The following ARMH3 variants were observed in gnomAD, a reference collection of about 807,000 sequenced individuals.
ARMH3 encodes armadillo like helical domain containing 3, also known as armadillo-like helical domain-containing protein 3.
ARMH3 carries 60 observed loss-of-function variants against 99.1 expected under a neutral mutation model. That is an observed-to-expected ratio of 0.61 (90% confidence interval 0.49 to 0.75). The LOEUF (loss-of-function observed/expected upper bound fraction) is 0.75. Ranked by LOEUF, ARMH3 falls within the 30% of genes least tolerant of loss-of-function variation. ARMH3 has a pLI of 0.00. For synonymous variants in ARMH3, 285 were observed against 292.8 expected, an observed-to-expected ratio of 0.97 and a Z score of 0.27; for missense variants, 679 against 843.1, an observed-to-expected ratio of 0.81 and a Z score of 2.41.
At chr10:101,941,849 T>C (rs774096175) in intron 22 of ARMH3, among the ~76,000 whole-genome samples, 1 of 152,218 alleles carries the variant, frequency 6.6e-6, no homozygotes, top group African/African-American at 2.4e-5. Flanking sequence ...AATTTTATTA[T>C]TATTATACCT....
At chr10:101,955,168 T>A (rs1216457442) in intron 22 of ARMH3, among the ~76,000 whole-genome samples, 1 of 152,180 alleles carries the variant, frequency 6.6e-6, no homozygotes, top group South Asian at 2.1e-4. Flanking sequence ...AGAGTTCTTA[T>A]GTAAGGCTGC....
At chr10:101,869,780 C>A (rs538619648) in intron 24 of ARMH3, among the ~76,000 whole-genome samples, 39 of 152,168 alleles carry the variant, frequency 2.6e-4, no homozygotes, top group Non-Finnish European at 5.6e-4. Flanking sequence ...CACCTGTAAT[C>A]CCAGCACCTT....
At chr10:101,885,825 G>A (rs998960211) in intron 24 of ARMH3, among the ~76,000 whole-genome samples, 5 of 151,536 alleles carry the variant, frequency 3.3e-5, no homozygotes, top group African/African-American at 1.2e-4. Flanking sequence ...AGCCCGAGGC[G>A]GGTGGATCAC....
intron 8 of ARMH3, 26 bp from the exon 9 acceptor site, chr10:102,014,050 G>C: frequency 6.3e-7 from 1 of 1,582,310 alleles, no homozygotes. Flanking sequence ...AGAGACTCCA[G>C]GTAAGTCTGA....
At chr10:101,963,900 G>A (rs1393935581) in intron 20 of ARMH3, among the ~76,000 whole-genome samples, 49 of 145,052 alleles carry the variant, frequency 3.4e-4, no homozygotes, top group African/African-American at 1.2e-3. Context: ...TTTTTGAGAC[G>A]GAGTCTTGCT....
intron 19 of ARMH3, among the ~76,000 whole-genome samples, chr10:101,978,426 A>G (rs1422515220): frequency 6.6e-6 from 1 of 152,230 alleles, no homozygotes; most frequent in Non-Finnish European, 1.5e-5. Flanking sequence ...ACTTTGGAAA[A>G]GTCTGGAGTT....
chr10:102,005,192 G>A (rs747612806), intron 14 of ARMH3, among the ~76,000 whole-genome samples: 2 of 151,850 alleles, frequency 1.3e-5, no homozygotes, highest in African/African-American at 2.4e-5. Context: ...GCGAGACTCC[G>A]TCTCAAAAAC....
chr10:101,898,685 C>A (rs751621180), intron 23 of ARMH3, among the ~76,000 whole-genome samples: 1 of 152,196 alleles, frequency 6.6e-6, no homozygotes, highest in Non-Finnish European at 1.5e-5. Context: ...TACGCGCACA[C>A]GCGCACACAC....
At chr10:102,025,863 G>T (rs978358397) in intron 5 of ARMH3, among the ~76,000 whole-genome samples, 5 of 151,942 alleles carry the variant, frequency 3.3e-5, no homozygotes, top group African/African-American at 9.7e-5. Context: ...TGTTGCCCAG[G>T]GTGGTCTCGA....
chr10:102,037,026 T>G (rs1309827104), intron 2 of ARMH3, among the ~76,000 whole-genome samples: 2 of 151,738 alleles, frequency 1.3e-5, no homozygotes, highest in Non-Finnish European at 1.5e-5. Context: ...CACTCCAGCT[T>G]GGGCGACAGA....
At chr10:102,023,976 T>C (rs553281154) in intron 6 of ARMH3, among the ~76,000 whole-genome samples, 1 of 152,334 alleles carries the variant, frequency 6.6e-6, no homozygotes, top group East Asian at 1.9e-4. Flanking sequence ...CCTCATTGTT[T>C]CTCTCATATC....
At chr10:101,932,659 C>T (rs186064715) in intron 23 of ARMH3, among the ~76,000 whole-genome samples, 22 of 152,218 alleles carry the variant, frequency 1.4e-4, no homozygotes, top group Non-Finnish European at 2.9e-4. Flanking sequence ...AATCCAGTCA[C>T]GAAGGACAAA....
chr10:102,049,117 C>T (rs1490013275), intron 1 of ARMH3, among the ~76,000 whole-genome samples: 1 of 152,114 alleles, frequency 6.6e-6, no homozygotes, highest in Non-Finnish European at 1.5e-5. Flanking sequence ...TTCCTTAGCA[C>T]AGCTTCTTTC....
At chr10:101,953,670 G>A (rs1020853117) in intron 22 of ARMH3, among the ~76,000 whole-genome samples, 4 of 151,628 alleles carry the variant, frequency 2.6e-5, no homozygotes, top group Admixed American at 2.6e-4. Flanking sequence ...TAAAAACAGT[G>A]AGGTAGCACT....
intron 24 of ARMH3, among the ~76,000 whole-genome samples, chr10:101,854,966 A>G: frequency 1.2e-5 from 1 of 86,678 alleles, no homozygotes; most frequent in Non-Finnish European, 2.4e-5. Flanking sequence ...TGGCTATCTC[A>G]AGATAGTTCT....
chr10:102,016,994 T>G (rs1008526102), intron 8 of ARMH3, among the ~76,000 whole-genome samples: 3 of 152,254 alleles, frequency 2.0e-5, no homozygotes, highest in African/African-American at 4.8e-5. Context: ...CTTTTATTGC[T>G]TAAGTCCAAC....
intron 5 of ARMH3, among the ~76,000 whole-genome samples, chr10:102,027,931 AAC>A (rs1365472505): frequency 6.6e-6 from 1 of 151,870 alleles, no homozygotes; most frequent in Non-Finnish European, 1.5e-5. Context: ...TATGGTGTCC[AAC>A]ACTGCAAATC....
intron 23 of ARMH3, among the ~76,000 whole-genome samples, chr10:101,918,462 A>G (rs1224546777): frequency 2.6e-5 from 4 of 152,242 alleles, no homozygotes; most frequent in Non-Finnish European, 4.4e-5. Flanking sequence ...GTGGCCACTT[A>G]GAAAACTGGA....
intron 13 of ARMH3, among the ~76,000 whole-genome samples, chr10:102,007,418 G>C (rs1301024255): frequency 6.6e-6 from 1 of 150,830 alleles, no homozygotes; most frequent in Non-Finnish European, 1.5e-5. Flanking sequence ...ATCCCATCCA[G>C]ACCTGGGATC....
Sources: allele counts gnomAD v4.1 joint callset (sites outside exome capture counted in the v4.1 genomes callset), GRCh38; gene constraint gnomAD v4.1.1; transcripts MANE v1.5; gene names NCBI Gene and HGNC (gene_info 2026-07-23, HGNC 2026-07-21).